The following AFDN variants were observed in gnomAD, a reference collection of about 807,000 sequenced individuals.
AFDN encodes the protein afadin.
AFDN carries 68 observed loss-of-function variants against 216.6 expected under a neutral mutation model. The observed-to-expected ratio is 0.31, with a 90% CI of 0.26 to 0.38. AFDN has a LOEUF of 0.38. Among genes scored for constraint, AFDN ranks in the 10% least tolerant of loss-of-function variants. AFDN has a pLI of 1.00. For synonymous variants in AFDN, 868 were observed against 853.7 expected, an observed-to-expected ratio of 1.02 and a Z score of -0.29; for missense variants, 2,136 against 2,342.0, an observed-to-expected ratio of 0.91 and a Z score of 1.82.
At chr6:167,920,327 C>T (rs1313905123) in intron 21 of AFDN, among the ~76,000 whole-genome samples, 1 of 152,142 alleles carries the variant, frequency 6.6e-6, no homozygotes, top group Admixed American at 6.5e-5. Flanking sequence ...CGTGCTCTGC[C>T]ATTCCCTGGA....
At chr6:167,958,447 G>A (rs1036014403) in intron 30 of AFDN, among the ~76,000 whole-genome samples, 19 of 152,132 alleles carry the variant, frequency 1.2e-4, no homozygotes, top group Admixed American at 2.6e-4. Context: ...TTGTAACACT[G>A]TAGTGGCAGG....
chr6:167,956,481 C>T (rs915371335), intron 30 of AFDN, among the ~76,000 whole-genome samples: 12 of 152,156 alleles, frequency 7.9e-5, no homozygotes, highest in South Asian at 4.1e-4. Flanking sequence ...TGCTCACTTC[C>T]GACCTGAGAC....
intron 29 of AFDN, among the ~76,000 whole-genome samples, chr6:167,948,969 C>G (rs566695952): frequency 6.6e-6 from 1 of 152,224 alleles, no homozygotes; most frequent in Admixed American, 6.5e-5. Flanking sequence ...GGGAAAGGCA[C>G]AGAGATGTGT....
In AFDN at chr6:167,875,152, T is replaced by C. The variant is rs138235253; in HGVS notation, c.579-183T>C. ...CTTAGTTCAGTATATTAGTTTGTGTTGAGAGAAACTATATTCTTTATCATA... is the reference window on the plus strand; with the variant it reads ...CTTAGTTCAGTATATTAGTTTGTGTCGAGAGAAACTATATTCTTTATCATA... On this transcript the variant is annotated intron_variant, in intron 4 of 33. Transcript: ENST00000683244. 4.3e-3 allele frequency among the ~76,000 whole-genome samples: 653 copies of C among 152,268 alleles called. 8 individuals are homozygous for C. Among genetic ancestry groups the C allele is most frequent in the African/African-American group, 0.015 (616 of 41,544 alleles).
At chr6:167,893,717 T>C (rs1263088695) in intron 8 of AFDN, 145 bp from the exon 9 acceptor site, 14 of 666,578 alleles carry the variant, frequency 2.1e-5, no homozygotes, top group Non-Finnish European at 3.3e-5. Flanking sequence ...ATGGGTGAAG[T>C]GTACCTTTTC....
chr6:167,901,796 A>G (rs1788991153), intron 11 of AFDN, among the ~76,000 whole-genome samples: 1 of 152,032 alleles, frequency 6.6e-6, no homozygotes, highest in African/African-American at 2.4e-5. Context: ...TAGTTAAAAA[A>G]AAAAATATGA....
At chr6:167,960,427 T>C (rs1195260806) in intron 30 of AFDN, among the ~76,000 whole-genome samples, 2 of 152,236 alleles carry the variant, frequency 1.3e-5, no homozygotes, top group East Asian at 3.8e-4. Flanking sequence ...TCTTAAAATA[T>C]ACTTCTGTTT....
rs1787934142 is a variant in AFDN at position 167,894,038 on chromosome 6, T to C, written c.1222+132T>C. 9.8e-5 allele frequency: 66 copies of C among 675,094 alleles called. 8 individuals carry two copies. The South Asian group carries it at 1.2e-3, about 12-fold the overall frequency. 41.8% of individuals were successfully genotyped at this position (675,094 alleles called of 1,614,324 possible). On this transcript the variant is annotated intron_variant, in intron 9 of 33. Transcript: ENST00000683244. ...TATAAATAACCTATTTTAAGAAATT[T>C]AATGTACTGTCATTTTATTTGTACC...
chr6:167,944,350 G>T (rs1795027122), intron 26 of AFDN, among the ~76,000 whole-genome samples: 2 of 152,156 alleles, frequency 1.3e-5, no homozygotes, highest in Non-Finnish European at 2.9e-5. Context: ...CACATAGTAG[G>T]TGCTCAGTAG....
chr6:167,927,862 C>T (rs1562689845), intron 23 of AFDN, among the ~76,000 whole-genome samples: 1 of 152,170 alleles, frequency 6.6e-6, no homozygotes, highest in Non-Finnish European at 1.5e-5. Context: ...AGCCATAGAG[C>T]TATGTTTTCT....
In AFDN at chr6:167,948,624, AAGG is replaced by A. The variant is rs1207098516; in HGVS notation, c.3831+149_3831+151del. ...GTTTTGTGGTTAAGTTTGAGGAAAA[AAGG>A]AGACAGGATAGAATACTTAATAAGA... On this transcript the variant is annotated intron_variant, in intron 29 of 33. Transcript: ENST00000683244. 2.4e-5 allele frequency: 17 copies of A among 712,476 alleles called. No individual in the cohort carries two copies. In the East Asian group the frequency reaches 4.7e-4, roughly 20 times the overall value. 44.1% of individuals were successfully genotyped at this position (712,476 alleles called of 1,614,324 possible). A position where few individuals can be genotyped will look rare whatever the true frequency, so the allele number is the denominator to read the frequency against.
At chr6:167,963,292 TG>T in intron 31 of AFDN, 2 of 1,063,274 alleles carry the variant, frequency 1.9e-6, no homozygotes, top group Non-Finnish European at 2.3e-6. Context: ...GAGCTCCCTG[TG>T]GGGGCCTGTT....
intron 12 of AFDN, among the ~76,000 whole-genome samples, chr6:167,904,280 C>G (rs1378181755): frequency 6.6e-6 from 1 of 151,882 alleles, no homozygotes; most frequent in Non-Finnish European, 1.5e-5. Context: ...ATGATCTCGG[C>G]TCACTGCAAC....
At chr6:167,914,411 C>T in intron 17 of AFDN, 98 bp downstream of exon 17, 1 of 1,456,070 alleles carries the variant, frequency 6.9e-7, no homozygotes, top group South Asian at 1.3e-5. Flanking sequence ...TTATATTTAC[C>T]TTGATTGAAG....
At chr6:167,944,423 T>C (rs866425278) in intron 26 of AFDN, among the ~76,000 whole-genome samples, 12 of 152,276 alleles carry the variant, frequency 7.9e-5, no homozygotes, top group Admixed American at 2.0e-4. Flanking sequence ...TGAATGGATT[T>C]TCAGTTTTGA....
At chr6:167,862,243 G>C (rs908347114) in intron 1 of AFDN, among the ~76,000 whole-genome samples, 2 of 152,200 alleles carry the variant, frequency 1.3e-5, no homozygotes, top group African/African-American at 2.4e-5. Flanking sequence ...GAAAGCTGGG[G>C]AGACAGTGCG....
intron 11 of AFDN, among the ~76,000 whole-genome samples, chr6:167,901,721 C>G (rs896626929): frequency 6.6e-6 from 1 of 151,994 alleles, no homozygotes; most frequent in Non-Finnish European, 1.5e-5. Flanking sequence ...CATTTATATG[C>G]CATTTGCTGC....
chr6:167,901,142 TA>T (rs966154091), intron 11 of AFDN, among the ~76,000 whole-genome samples: 3 of 152,250 alleles, frequency 2.0e-5, no homozygotes, highest in Non-Finnish European at 4.4e-5. Context: ...TGAGTGTAAA[TA>T]AAAGTTTCCC....
At chr6:167,853,749 G>A (rs974406434) in intron 1 of AFDN, among the ~76,000 whole-genome samples, 6 of 151,976 alleles carry the variant, frequency 3.9e-5, no homozygotes, top group African/African-American at 9.7e-5. Flanking sequence ...GCTGTTGTGC[G>A]TTGTGCTTTT....
Sources: gnomAD v4.1 joint callset for allele counts (sites outside exome capture counted in the v4.1 genomes callset) on GRCh38, gnomAD v4.1.1 for gene constraint, MANE v1.5 for transcripts, NCBI Gene and HGNC (gene_info 2026-07-23, HGNC 2026-07-21) for gene names.